Variants in RGMA observed in about 807,000 individuals in gnomAD.
RGMA encodes repulsive guidance molecule BMP co-receptor a, also known as repulsive guidance molecule A.
A neutral mutation model predicts 23.2 loss-of-function variants in RGMA; 10 were observed. The observed-to-expected ratio is 0.43, with a 90% CI of 0.27 to 0.73. The LOEUF (loss-of-function observed/expected upper bound fraction) is 0.73. RGMA is among the 30% of genes least tolerant of loss of function. The pLI, the probability that RGMA is intolerant of heterozygous loss-of-function variation, is 0.20. For synonymous variants in RGMA, 308 were observed against 279.3 expected (o/e 1.10, Z -1.03); for missense variants, 547 against 630.5 (o/e 0.87, Z 1.42).
rs1239210880 is a variant in RGMA at position 93,044,977 on chromosome 15, C to T, written c.*21G>A. On this transcript the variant is annotated 3_prime_UTR_variant, in exon 4 of 4. Transcript: ENST00000329082. ...GGAAGCCGAGAGGACGGAGCCCGCG[C>T]CTCCCTCCACATCTACGCGTCTAGC... The T allele has an allele frequency of 1.4e-6, 2 of 1,409,756 alleles. No individual in the cohort carries two copies. Among genetic ancestry groups the T allele is most frequent in the Non-Finnish European group, 2.0e-6 (2 of 1,008,526 alleles). The allele number at this position is 1,409,756 out of a possible 1,614,324, so 87.3% of individuals were successfully genotyped here.
chr15:93,035,482 G>C lies in RGMA; in HGVS notation c.*9516C>G, dbSNP rs2054650882. 6.6e-6 allele frequency: 1 copy of C among 152,254 alleles called. No homozygotes were observed. Among genetic ancestry groups the C allele is most frequent in the Non-Finnish European group, 1.5e-5 (1 of 68,102 alleles). 9.4% of individuals were successfully genotyped at this position (152,254 alleles called of 1,614,324 possible). A position where few individuals can be genotyped will look rare whatever the true frequency, so the allele number is the denominator to read the frequency against. Reference sequence around the variant, plus strand: ...ACCTCTTAAGAGGAAACACCTGGGGGGATTCTTGCTGAAGGCAGGCCAGGT... The same window carrying C: ...ACCTCTTAAGAGGAAACACCTGGGGCGATTCTTGCTGAAGGCAGGCCAGGT... On this transcript the variant is annotated 3_prime_UTR_variant, in exon 4 of 4. Transcript: ENST00000329082.
rs1436888163 is a variant in RGMA at position 93,038,078 on chromosome 15, A to G, written c.*6920T>C. The G allele has an allele frequency of 1.3e-5, 2 of 152,086 alleles. No individual in the cohort carries two copies. The highest frequency in any genetic ancestry group is 2.4e-5 in the African/African-American group (1 of 41,390). The allele number at this position is 152,086 out of a possible 1,614,324, so 9.4% of individuals were successfully genotyped here. ...CACCATGTCTATATCTTAGGGAGGGAAGGATTAAAAAGTCGAAATGTTGAA... is the reference window on the plus strand; with the variant it reads ...CACCATGTCTATATCTTAGGGAGGGGAGGATTAAAAAGTCGAAATGTTGAA... On this transcript the variant is annotated 3_prime_UTR_variant, in exon 4 of 4. Transcript: ENST00000329082.
chr15:93,051,916 C>A lies in RGMA; in HGVS notation c.645+77G>T. 4.9e-6 allele frequency: 7 copies of A among 1,434,144 alleles called. No homozygotes were observed. In the South Asian group the frequency reaches 9.1e-5, roughly 19 times the overall value. The allele number at this position is 1,434,144 out of a possible 1,614,324, so 88.8% of individuals were successfully genotyped here. Reference sequence around the variant, plus strand: ...CCCCCATTCCCAGGCACCCGAGGCCCTCTCAGCCTCTCAGTGTCCACGCAG... The same window carrying A: ...CCCCCATTCCCAGGCACCCGAGGCCATCTCAGCCTCTCAGTGTCCACGCAG... On this transcript the variant is annotated intron_variant, in intron 3 of 3. Coordinates refer to ENST00000329082, the MANE Select transcript of RGMA (RefSeq NM_020211.3).
intron 2 of RGMA, among the ~76,000 whole-genome samples, chr15:93,059,480 A>G (rs2055067905): frequency 6.6e-6 from 1 of 152,200 alleles, no homozygotes; most frequent in Admixed American, 6.5e-5. Flanking sequence ...GCTCAAGGGA[A>G]TGACTTGGAA....
At chr15:93,065,695 T>C (rs964392671) in intron 2 of RGMA, 36 of 1,174,776 alleles carry the variant, frequency 3.1e-5, no homozygotes, top group Non-Finnish European at 2.4e-5. Flanking sequence ...GAAGTAGGGG[T>C]GGTTTCGTGG....
At chr15:93,078,256 C>T (rs561468631) in intron 1 of RGMA, among the ~76,000 whole-genome samples, 1 of 152,292 alleles carries the variant, frequency 6.6e-6, no homozygotes, top group East Asian at 1.9e-4. Context: ...GAGGAAACGA[C>T]CCAACACTGG....
intron 1 of RGMA, among the ~76,000 whole-genome samples, chr15:93,086,550 G>A (rs889798045): frequency 1.3e-5 from 2 of 152,192 alleles, no homozygotes; most frequent in Admixed American, 1.3e-4. Flanking sequence ...TAGACTCACA[G>A]AACACTGGCC....
intron 1 of RGMA, among the ~76,000 whole-genome samples, chr15:93,078,069 CT>C (rs1437940128): frequency 6.6e-6 from 1 of 152,138 alleles, no homozygotes; most frequent in East Asian, 1.9e-4. Flanking sequence ...GTGATGAAGA[CT>C]TTATTTAGGC....
chr15:93,086,355 C>T (rs1280372195), intron 1 of RGMA, among the ~76,000 whole-genome samples: 3 of 152,156 alleles, frequency 2.0e-5, no homozygotes, highest in African/African-American at 2.4e-5. Context: ...TGCTCAATTG[C>T]ACTTGGATAC....
rs751039509 is a variant in RGMA, at chr15:93,045,070, C to T, written c.1281G>A (p.Gly427=). 4 of 1,572,770 alleles carry T rather than the reference C, an allele frequency of 2.5e-6. No individual in the cohort carries two copies. The highest frequency in any genetic ancestry group is 1.3e-5 in the African/African-American group (1 of 74,156). Residue 427 remains glycine, a synonymous_variant, in exon 4 of 4, where the codon GGG becomes GGA. Coordinates refer to ENST00000329082, the MANE Select transcript of RGMA (RefSeq NM_020211.3). This position sits in a 1 kb window ranked among gnomAD's most constrained non-coding sequence, Gnocchi z 6.9. Reference sequence around the variant, plus strand: ...GGAGGGGCCGGGGGGCCAGGGGCAGCCCCGCAGCCGCCCTGCCTGGCAGGT... The same window carrying T: ...GGAGGGGCCGGGGGGCCAGGGGCAGTCCCGCAGCCGCCCTGCCTGGCAGGT... The part of the protein sequence containing the change: ...TRDLPGRAAA[G]LPLAPRPLLG...
chr15:93,061,604 G>A (rs998692491), intron 2 of RGMA, among the ~76,000 whole-genome samples: 1 of 152,212 alleles, frequency 6.6e-6, no homozygotes, highest in Non-Finnish European at 1.5e-5. Flanking sequence ...ACTGAGATAA[G>A]GTAGAGAGAA....
intron 2 of RGMA, 119 bp from the exon 3 acceptor site, chr15:93,052,626 G>A (rs781043814): frequency 2.1e-5 from 23 of 1,079,748 alleles, no homozygotes; most frequent in Non-Finnish European, 2.6e-5. Context: ...AGCCACCCAT[G>A]CCACACACAG....
At chr15:93,076,794 G>A (rs1895479577) in intron 1 of RGMA, among the ~76,000 whole-genome samples, 1 of 152,222 alleles carries the variant, frequency 6.6e-6, no homozygotes, top group South Asian at 2.1e-4. Flanking sequence ...GCCAAGCCAA[G>A]CTGGCCGAAC....
At chr15:93,063,701 G>T (rs1895046756) in intron 2 of RGMA, among the ~76,000 whole-genome samples, 1 of 152,190 alleles carries the variant, frequency 6.6e-6, no homozygotes, top group South Asian at 2.1e-4. Flanking sequence ...TCTAGCCCAA[G>T]AATGTTCCAA....
At chr15:93,059,661 G>A (rs2055070715) in intron 2 of RGMA, among the ~76,000 whole-genome samples, 1 of 152,194 alleles carries the variant, frequency 6.6e-6, no homozygotes, top group Non-Finnish European at 1.5e-5. Flanking sequence ...AGCGACTGGA[G>A]TGAGGGGCCC....
rs1259456054 is a variant in RGMA, at chr15:93,052,336, G to A, written c.302C>T (p.Ser101Leu). 2.5e-6 allele frequency: 4 copies of A among 1,602,366 alleles called. No individual in the cohort carries two copies. The highest frequency in any genetic ancestry group is 2.2e-5 in the East Asian group (1 of 44,872). The stretch of plus-strand genomic sequence containing the variant: ...GAGGTCCTCTATGCCATGGACGGCC[G>A]AGTGGTAGGCCAGGTCACCCCGGCA... ...RTCRGDLAYH[S>L]AVHGIEDLMS... Residue 101 changes from serine to leucine, a missense_variant, in exon 3 of 4, where the codon TCG (serine) becomes TTG (leucine). Ser to Leu is a moderately radical substitution (Grantham distance 145, BLOSUM62 -2). Coordinates refer to ENST00000329082, the MANE Select transcript of RGMA (RefSeq NM_020211.3).
chr15:93,070,286 C>A (rs1048403667), intron 2 of RGMA, among the ~76,000 whole-genome samples: 3 of 152,210 alleles, frequency 2.0e-5, no homozygotes, highest in African/African-American at 7.2e-5. Flanking sequence ...ATTTAATTTG[C>A]ACTCCTATAG....
In RGMA at chr15:93,052,406, C is replaced by A. The variant is rs1474086701; in HGVS notation, c.232G>T (p.Ala78Ser). The change falls in exon 3 of 4, where the codon GCC becomes TCC. Residue 78 changes from alanine (A) to serine (S), a missense_variant. Physicochemically the swap from Ala to Ser is moderately conservative, Grantham distance 99. Around this residue, in one of 3 missense-constraint regions of RGMA, gnomAD observed 214 missense variants for 234.7 expected, o/e 0.91. Coordinates refer to ENST00000329082, the MANE Select transcript of RGMA (RefSeq NM_020211.3). ...GTGCACAGGGCGTAGCTGCGCAAGG[C>A]TGCACAGAACTCGGGGGTGTCGTCT... ...ASDDTPEFCA[A>S]LRSYALCTRR... 1 of 1,598,846 alleles carries A rather than the reference C, an allele frequency of 6.3e-7. No individual in the cohort carries two copies.
intron 2 of RGMA, among the ~76,000 whole-genome samples, chr15:93,069,202 C>T (rs920158908): frequency 7.9e-5 from 12 of 152,154 alleles, no homozygotes; most frequent in Non-Finnish European, 1.3e-4. Flanking sequence ...CTCCACCTCC[C>T]GGGTTCGGGC....
Sources: allele counts gnomAD v4.1 joint callset (sites outside exome capture counted in the v4.1 genomes callset), GRCh38; gene constraint gnomAD v4.1.1; regional missense constraint gnomAD v4.1.1; non-coding constraint Gnocchi (gnomAD v3.1); transcripts MANE v1.5; gene names NCBI Gene and HGNC (gene_info 2026-07-23, HGNC 2026-07-21).